SNX24: variants seen among roughly 807,000 people sequenced by gnomAD.
SNX24 encodes the protein sorting nexin-24.
Under a neutral mutation model 28.7 loss-of-function variants are expected in SNX24, and 22 were observed. That is an observed-to-expected ratio of 0.77 (90% CI 0.55 to 1.10). The LOEUF (loss-of-function observed/expected upper bound fraction) is 1.10. Ranked by LOEUF, SNX24 falls within the 50% of genes least tolerant of loss-of-function variation. The pLI, the probability that SNX24 is intolerant of heterozygous loss-of-function variation, is 0.00. For synonymous variants in SNX24, 69 were observed against 71.5 expected, an observed-to-expected ratio of 0.96 and a Z score of 0.18; for missense variants, 221 against 201.1, an observed-to-expected ratio of 1.10 and a Z score of -0.60.
At chr5:122,872,988 A>T (rs1756050978) in intron 1 of SNX24, among the ~76,000 whole-genome samples, 1 of 152,094 alleles carries the variant, frequency 6.6e-6, no homozygotes, top group Non-Finnish European at 1.5e-5. Flanking sequence ...GGTTTTTGAG[A>T]CAGGGTTTTG....
chr5:122,870,667 T>G (rs13159657), intron 1 of SNX24, among the ~76,000 whole-genome samples: 3,998 of 152,262 alleles, frequency 0.026, 70 homozygotes, highest in Non-Finnish European at 0.037. Context: ...TAGGAATGAT[T>G]CTTTAGGACA....
At chr5:122,893,398 A>G (rs1327907534) in intron 1 of SNX24, among the ~76,000 whole-genome samples, 3 of 152,082 alleles carry the variant, frequency 2.0e-5, no homozygotes, top group Non-Finnish European at 4.4e-5. Flanking sequence ...TTTATTGGAT[A>G]ATGGTATGTA....
chr5:122,872,640 A>G (rs1756034469), intron 1 of SNX24, among the ~76,000 whole-genome samples: 1 of 152,122 alleles, frequency 6.6e-6, no homozygotes, highest in African/African-American at 2.4e-5. Context: ...TACCTAATAC[A>G]ATGTAAATGC....
intron 1 of SNX24, among the ~76,000 whole-genome samples, chr5:122,927,984 A>C (rs893553522): frequency 2.6e-5 from 4 of 152,034 alleles, no homozygotes; most frequent in African/African-American, 9.7e-5. Flanking sequence ...AAACCTCACC[A>C]TTGCATTTCA....
chr5:122,994,744 A>C (rs1761991622), intron 3 of SNX24, among the ~76,000 whole-genome samples: 1 of 152,234 alleles, frequency 6.6e-6, no homozygotes, highest in Non-Finnish European at 1.5e-5. Context: ...CATAGAGTTT[A>C]CATTTTTAAA....
chr5:122,946,898 C>G (rs1387063376), intron 3 of SNX24, among the ~76,000 whole-genome samples: 1 of 152,182 alleles, frequency 6.6e-6, no homozygotes, highest in East Asian at 1.9e-4. Flanking sequence ...CTGGGGTGGG[C>G]AGGCCCTGAG....
chr5:122,879,830 C>A (rs1276177818), intron 1 of SNX24, among the ~76,000 whole-genome samples: 2 of 151,968 alleles, frequency 1.3e-5, no homozygotes, highest in Non-Finnish European at 2.9e-5. Flanking sequence ...CCAGTAATAA[C>A]AAATTTTAAT....
At chr5:122,936,511 T>G (rs1759183677) in intron 1 of SNX24, among the ~76,000 whole-genome samples, 1 of 152,102 alleles carries the variant, frequency 6.6e-6, no homozygotes, top group Non-Finnish European at 1.5e-5. Context: ...GTTTCCCTTG[T>G]TTTTAGACAG....
intron 1 of SNX24, among the ~76,000 whole-genome samples, chr5:122,932,858 C>CAAAAAAAA (rs57930558): frequency 2.3e-5 from 2 of 88,016 alleles, no homozygotes; most frequent in Non-Finnish European, 4.4e-5. Flanking sequence ...GACTCTGTCT[C>CAAAAAAAA]AAAAAAAAAA....
intron 3 of SNX24, among the ~76,000 whole-genome samples, chr5:122,953,158 G>A (rs1760040640): frequency 6.7e-6 from 1 of 150,098 alleles, no homozygotes; most frequent in South Asian, 2.1e-4. Context: ...AGGCTGGAGT[G>A]CAGTGGCACA....
At chr5:122,958,007 A>G (rs30066) in intron 3 of SNX24, among the ~76,000 whole-genome samples, 122,587 of 152,114 alleles carry the variant, frequency 0.81, 50,175 homozygotes, top group East Asian at 0.99. Flanking sequence ...CAATTAGGAT[A>G]GCTTTATTTC....
At chr5:123,017,298 G>T (rs1762695786) in intron 5 of SNX24, among the ~76,000 whole-genome samples, 1 of 151,966 alleles carries the variant, frequency 6.6e-6, no homozygotes, top group African/African-American at 2.4e-5. Flanking sequence ...CACCTCTTAG[G>T]TCAAATCTCA....
intron 1 of SNX24, among the ~76,000 whole-genome samples, chr5:122,848,378 GGGCCACTGAGCCCGACCT>G (rs1239627405): frequency 6.6e-6 from 1 of 151,998 alleles, no homozygotes; most frequent in Non-Finnish European, 1.5e-5. Context: ...TTATAGGCGC[GGGCCACTGAGCCCGACCT>G]GTGTTTGTGT....
In SNX24 at chr5:122,878,316, G is replaced by T. The variant is rs954176136; in HGVS notation, c.60+32623G>T. Among the ~76,000 whole-genome samples the T allele has an allele frequency of 4.6e-5, 7 of 152,230 alleles. No homozygotes were observed. The East Asian group carries it at 1.4e-3, about 29-fold the overall frequency. On this transcript the variant is annotated intron_variant, in intron 1 of 6. Transcript: ENST00000261369. ...TGGCGGTTCTAGAGAGGGCAGAGAG[G>T]TCAGGAGAATGAGGTGGAGAAGGGG... is the stretch of plus-strand genomic sequence containing the variant.
At chr5:122,955,834 G>A (rs1184382153) in intron 3 of SNX24, among the ~76,000 whole-genome samples, 1 of 152,162 alleles carries the variant, frequency 6.6e-6, no homozygotes, top group Non-Finnish European at 1.5e-5. Flanking sequence ...TCCCTTACGA[G>A]GCTGTCTCTG....
rs1759621045 is a variant in SNX24, at chr5:122,944,973, A to T, written c.145-1082A>T. ...AGTGCATTAGTTTCCTATTGCTGCT[A>T]TAACAAATTACCATAAATGTAGTGG... On this transcript the variant is annotated intron_variant, in intron 2 of 6. Coordinates refer to ENST00000261369, the MANE Select transcript of SNX24 (RefSeq NM_014035.4). 2.0e-5 allele frequency among the ~76,000 whole-genome samples: 3 copies of T among 152,314 alleles called. No homozygotes were observed. In the South Asian group the frequency reaches 6.2e-4, roughly 32 times the overall value.
At chr5:122,871,717 C>A (rs192618105) in intron 1 of SNX24, among the ~76,000 whole-genome samples, 1 of 152,096 alleles carries the variant, frequency 6.6e-6, no homozygotes, top group Admixed American at 6.5e-5. Context: ...TTGCAGTGAG[C>A]GGAGATCACG....
At chr5:122,956,842 A>C (rs1181033121) in intron 3 of SNX24, among the ~76,000 whole-genome samples, 1 of 151,810 alleles carries the variant, frequency 6.6e-6, no homozygotes, top group East Asian at 1.9e-4. Flanking sequence ...TTTTTGGAGA[A>C]ATATCTCTTC....
At chr5:122,965,981 G>A (rs39819) in intron 3 of SNX24, among the ~76,000 whole-genome samples, 117,137 of 152,170 alleles carry the variant, frequency 0.77, 45,955 homozygotes, top group East Asian at 0.99. Flanking sequence ...TGAATCTTGC[G>A]GTTTATGGCA....
Sources: gnomAD v4.1 joint callset for allele counts (sites outside exome capture counted in the v4.1 genomes callset) on GRCh38, gnomAD v4.1.1 for gene constraint, MANE v1.5 for transcripts, NCBI Gene and HGNC (gene_info 2026-07-23, HGNC 2026-07-21) for gene names.